VEZT: variants seen among roughly 807,000 people sequenced by gnomAD.
The protein encoded by VEZT is vezatin.
VEZT carries 39 observed loss-of-function variants against 79.9 expected under a neutral mutation model. The ratio of observed to expected loss-of-function variants is 0.49; its 90% CI spans 0.38 to 0.64. The LOEUF is 0.64. VEZT is among the 30% of genes least tolerant of loss of function. The pLI is 0.00. For missense variants in VEZT, 837 were observed against 893.1 expected, an observed-to-expected ratio of 0.94 and a Z score of 0.80; for synonymous variants, 325 against 327.6, an observed-to-expected ratio of 0.99 and a Z score of 0.09.
intron 9 of VEZT, among the ~76,000 whole-genome samples, chr12:95,288,292 T>C (rs763522370): frequency 6.6e-6 from 1 of 152,202 alleles, no homozygotes; most frequent in Non-Finnish European, 1.5e-5. Context: ...TTAGTGGCAC[T>C]GCATATTTAG....
intron 1 of VEZT, among the ~76,000 whole-genome samples, chr12:95,247,202 G>A (rs1408168986): frequency 2.0e-5 from 3 of 152,140 alleles, no homozygotes; most frequent in Non-Finnish European, 2.9e-5. Context: ...CATATTCTAC[G>A]TTAACATTTA....
At chr12:95,252,228 C>T (rs2062722525) in intron 2 of VEZT, 157 bp downstream of exon 2, 1 of 681,752 alleles carries the variant, frequency 1.5e-6, no homozygotes, top group African/African-American at 1.9e-5. Context: ...AACATGAATC[C>T]TTACTGCTTT....
At chr12:95,296,012 TG>T in intron 10 of VEZT, 38 bp from the exon 11 acceptor site, 1 of 1,400,214 alleles carries the variant, frequency 7.1e-7, no homozygotes, top group Non-Finnish European at 9.7e-7. Context: ...GAGAATTGTT[TG>T]CTTCAAGTAA....
chr12:95,257,245 T>C lies in VEZT; in HGVS notation c.258+6T>C, dbSNP rs1023599698. ...ATGACTTACTTCACAAGTTGGTAAG[T>C]GGTCACTTCTTTTTGCCACTTTTCA... On this transcript the variant is annotated splice_donor_region_variant and intron_variant, in intron 3 of 11. Coordinates refer to ENST00000436874, the MANE Select transcript of VEZT (RefSeq NM_017599.4). 3.1e-6 allele frequency: 5 copies of C among 1,597,640 alleles called. No homozygotes were observed. The African/African-American group carries it at 4.0e-5, about 13-fold the overall frequency.
In VEZT at chr12:95,296,123, C is replaced by G. The variant is rs1484085495; in HGVS notation, c.1696C>G (p.Gln566Glu). 1 of 1,563,548 alleles carries G rather than the reference C, an allele frequency of 6.4e-7. No homozygotes were observed. The highest frequency in any genetic ancestry group is 8.7e-7 in the Non-Finnish European group (1 of 1,152,692). ...AAAGGATGATTTTTATTACTTGTCT[C>G]AAGAAGACAAAGAGAGACAGAAGCG... ...FRKDDFYYLS[Q>E]EDKERQKREH... The change falls in exon 11 of 12, where the codon CAA (glutamine) becomes GAA (glutamate). Residue 566 changes from glutamine to glutamate, a missense_variant. Physicochemically the swap from Gln to Glu is conservative, Grantham distance 29 (BLOSUM62 2). Coordinates refer to ENST00000436874, the MANE Select transcript of VEZT (RefSeq NM_017599.4).
At chr12:95,218,015 C>T in intron 1 of VEZT, 129 bp downstream of exon 1, 1 of 932,766 alleles carries the variant, frequency 1.1e-6, no homozygotes, top group Middle Eastern at 2.4e-4. Flanking sequence ...ACCACCGAAC[C>T]CCAGCGATTT....
intron 11 of VEZT, 93 bp downstream of exon 11, chr12:95,296,351 G>C: frequency 7.6e-7 from 1 of 1,308,348 alleles, no homozygotes; most frequent in Non-Finnish European, 1.0e-6. Flanking sequence ...AGAATTCTTG[G>C]GGTTTTATAA....
At chr12:95,242,414 ATTTTG>A (rs1482669541) in intron 1 of VEZT, 2 of 152,618 alleles carry the variant, frequency 1.3e-5, no homozygotes, top group Non-Finnish European at 2.9e-5. Flanking sequence ...TCTGGTTTTT[ATTTTG>A]TTTTGTTTTC....
chr12:95,286,926 A>C (rs887631067), intron 8 of VEZT: 3 of 136,718 alleles, frequency 2.2e-5, no homozygotes. Flanking sequence ...CTTGCATGTC[A>C]CCAGCTCGAG....
chr12:95,270,216 T>G, intron 6 of VEZT, 28 bp downstream of exon 6: 1 of 1,563,062 alleles, frequency 6.4e-7, no homozygotes, highest in East Asian at 2.3e-5. Context: ...TATATGAAAC[T>G]AAGCAATGTT....
intron 1 of VEZT, among the ~76,000 whole-genome samples, chr12:95,233,346 A>C (rs975071583): frequency 6.6e-6 from 1 of 151,976 alleles, no homozygotes; most frequent in East Asian, 1.9e-4. Flanking sequence ...TTCTCCACAG[A>C]AGTACCACTG....
chr12:95,241,817 A>G (rs1465419151), intron 1 of VEZT, among the ~76,000 whole-genome samples: 2 of 152,218 alleles, frequency 1.3e-5, no homozygotes, highest in Admixed American at 1.3e-4. Context: ...AGTTTATTCC[A>G]TGAACTTTAC....
intron 11 of VEZT, 110 bp from the exon 12 acceptor site, chr12:95,300,055 A>G (rs544469151): frequency 3.4e-6 from 2 of 595,562 alleles, no homozygotes; most frequent in East Asian, 6.6e-5. Context: ...TTTAGCTTTT[A>G]TTTATTTATT....
At chr12:95,266,208 T>C in intron 4 of VEZT, 149 bp from the exon 5 acceptor site, 1 of 886,004 alleles carries the variant, frequency 1.1e-6, no homozygotes, top group Non-Finnish European at 1.7e-6. Flanking sequence ...TTCTTAAATG[T>C]CATATATTTT....
At chr12:95,286,674 C>A in intron 8 of VEZT, 1 of 396,060 alleles carries the variant, frequency 2.5e-6, no homozygotes, top group South Asian at 2.2e-5. Context: ...AAAGTATTGT[C>A]AGCATCTGTA....
chr12:95,266,741 G>A (rs187017243), intron 5 of VEZT, 109 bp downstream of exon 5: 1 of 1,185,182 alleles, frequency 8.4e-7, no homozygotes, highest in Non-Finnish European at 1.1e-6. Context: ...AAAAAAAAGT[G>A]CTTTTCTCTT....
chr12:95,243,522 G>A (rs1241025743), intron 1 of VEZT, among the ~76,000 whole-genome samples: 2 of 151,748 alleles, frequency 1.3e-5, no homozygotes, highest in African/African-American at 4.8e-5. Context: ...ACTCCCATTT[G>A]GCCTGTTATA....
At chr12:95,272,629 G>C (rs1432568607) in intron 6 of VEZT, among the ~76,000 whole-genome samples, 1 of 152,160 alleles carries the variant, frequency 6.6e-6, no homozygotes, top group Non-Finnish European at 1.5e-5. Context: ...TCAAAGTAAA[G>C]AGCAGAAATA....
At chr12:95,283,720 G>T (rs1422168671) in intron 8 of VEZT, among the ~76,000 whole-genome samples, 2 of 152,164 alleles carry the variant, frequency 1.3e-5, no homozygotes, top group African/African-American at 4.8e-5. Context: ...TTGATATAAG[G>T]CTTGATATAA....
Sources: allele counts gnomAD v4.1 joint callset (sites outside exome capture counted in the v4.1 genomes callset), GRCh38; gene constraint gnomAD v4.1.1; transcripts MANE v1.5; gene names NCBI Gene and HGNC (gene_info 2026-07-23, HGNC 2026-07-21).